Variants in TENM3 observed in about 807,000 individuals in gnomAD.
TENM3 encodes the protein teneurin-3.
A neutral mutation model predicts 255.1 loss-of-function variants in TENM3; 63 were observed. The observed-to-expected ratio is 0.25, with a 90% CI of 0.20 to 0.30. The LOEUF (loss-of-function observed/expected upper bound fraction) is 0.30, where lower values mean the gene tolerates loss of function less well. Among genes scored for constraint, TENM3 ranks in the 10% least tolerant of loss-of-function variants. The probability of loss-of-function intolerance (pLI) is 1.00; values close to 1 mark genes in which losing one functional copy is unlikely to be tolerated. For synonymous variants in TENM3, 1,306 were observed against 1,322.3 expected (o/e 0.99, Z 0.27); for missense variants, 2,929 against 3,461.1 (o/e 0.85, Z 3.86).
chr4:181,682,037 AT>A, the TENM3 span, among the ~76,000 whole-genome samples: 1 of 152,164 alleles, frequency 6.6e-6, no homozygotes, highest in Admixed American at 6.6e-5. Flanking sequence ...TTAGAAAAAA[AT>A]ATAAGAATAT....
At chr4:181,874,405 A>G in the TENM3 span, 5 of 152,124 alleles carry the variant, frequency 3.3e-5, no homozygotes, top group African/African-American at 1.2e-4. Flanking sequence ...ATATTTTTGA[A>G]TCTCTGTTAT....
At chr4:182,437,207 AT>A (rs1327487607) in intron 3 of TENM3, among the ~76,000 whole-genome samples, 1 of 152,232 alleles carries the variant, frequency 6.6e-6, no homozygotes, top group Admixed American at 6.5e-5. Context: ...AGAAGTTAAC[AT>A]TTGGAAATAG....
chr4:182,467,397 A>G (rs1395394265), intron 3 of TENM3, among the ~76,000 whole-genome samples: 1 of 152,246 alleles, frequency 6.6e-6, no homozygotes, highest in East Asian at 1.9e-4. Context: ...AACTGATACC[A>G]TAAATACCAA....
chr4:182,223,783 CAAAAAAA>C (rs61535632), intron 1 of TENM3, among the ~76,000 whole-genome samples: 3 of 112,960 alleles, frequency 2.7e-5, no homozygotes, highest in Non-Finnish European at 5.2e-5. Context: ...GATAGATTGG[CAAAAAAA>C]AAAAAAAAAA....
At chr4:181,677,103 T>A in the TENM3 span, among the ~76,000 whole-genome samples, 2 of 151,916 alleles carry the variant, frequency 1.3e-5, no homozygotes, top group Admixed American at 1.3e-4. Flanking sequence ...AAAACTTCAT[T>A]TTAATATTGT....
At chr4:181,600,759 A>T in the TENM3 span, among the ~76,000 whole-genome samples, 2,056 of 151,266 alleles carry the variant, frequency 0.014, 24 homozygotes, top group Non-Finnish European at 0.02. Flanking sequence ...TCGACTTGTG[A>T]TGGTACCTGG....
chr4:181,732,436 T>C, the TENM3 span, among the ~76,000 whole-genome samples: 30 of 152,320 alleles, frequency 2.0e-4, no homozygotes, highest in East Asian at 5.6e-3. Flanking sequence ...CCATCATTTT[T>C]TAAAAATTCC....
chr4:182,276,356 T>C (rs1223834688), intron 1 of TENM3, among the ~76,000 whole-genome samples: 1 of 152,242 alleles, frequency 6.6e-6, no homozygotes, highest in East Asian at 1.9e-4. Context: ...CATGACATCA[T>C]GTTTTAGTGT....
At chr4:182,112,422 T>C in the TENM3 span, among the ~76,000 whole-genome samples, 1 of 152,202 alleles carries the variant, frequency 6.6e-6, no homozygotes, top group Non-Finnish European at 1.5e-5. Flanking sequence ...GAAAAAACAT[T>C]ATCACTAATA....
intron 3 of TENM3, among the ~76,000 whole-genome samples, chr4:182,364,332 A>T: frequency 6.6e-6 from 1 of 152,150 alleles, no homozygotes; most frequent in East Asian, 1.9e-4. Context: ...CTCTTTTAGG[A>T]TTTACACTTT....
the TENM3 span, among the ~76,000 whole-genome samples, chr4:181,769,495 T>A: frequency 1.3e-5 from 2 of 152,186 alleles, no homozygotes; most frequent in Non-Finnish European, 1.5e-5. Context: ...TATAAATCTG[T>A]CGAGTGGTTA....
At chr4:181,663,569 G>A in the TENM3 span, among the ~76,000 whole-genome samples, 1 of 152,126 alleles carries the variant, frequency 6.6e-6, no homozygotes, top group Non-Finnish European at 1.5e-5. Flanking sequence ...AGAGTATTAG[G>A]AAATAAATAT....
At chr4:182,094,942 A>C in the TENM3 span, among the ~76,000 whole-genome samples, 2 of 64,410 alleles carry the variant, frequency 3.1e-5, no homozygotes. Context: ...AATAGAAGGT[A>C]AAAAAAAAAA....
chr4:182,368,221 A>T (rs1766560013), intron 3 of TENM3, among the ~76,000 whole-genome samples: 1 of 152,198 alleles, frequency 6.6e-6, no homozygotes, highest in Non-Finnish European at 1.5e-5. Flanking sequence ...TTTCCATGGG[A>T]ACCTCCTGAG....
At chr4:181,892,277 C>A in the TENM3 span, among the ~76,000 whole-genome samples, 1 of 152,118 alleles carries the variant, frequency 6.6e-6, no homozygotes, top group African/African-American at 2.4e-5. Flanking sequence ...CCACTGAGTC[C>A]TAGTATATAT....
At chr4:182,381,131 C>T (rs1034931478) in intron 3 of TENM3, among the ~76,000 whole-genome samples, 6 of 152,194 alleles carry the variant, frequency 3.9e-5, no homozygotes, top group Non-Finnish European at 7.3e-5. Context: ...CCGACCAGGG[C>T]TGAGCTGAGG....
chr4:181,830,238 C>A, the TENM3 span, among the ~76,000 whole-genome samples: 1 of 152,056 alleles, frequency 6.6e-6, no homozygotes, highest in Non-Finnish European at 1.5e-5. Context: ...TTGTTGCATC[C>A]TGCTTGCTGC....
At chr4:181,530,238 G>A in the TENM3 span, among the ~76,000 whole-genome samples, 1 of 152,154 alleles carries the variant, frequency 6.6e-6, no homozygotes, top group Non-Finnish European at 1.5e-5. Context: ...TACATACAGG[G>A]TAATAAATAA....
intron 3 of TENM3, among the ~76,000 whole-genome samples, chr4:182,434,559 A>G (rs1401788361): frequency 6.6e-6 from 1 of 151,686 alleles, no homozygotes; most frequent in African/African-American, 2.4e-5. Flanking sequence ...GCTACTCGGG[A>G]GTCTGAGGCA....
Sources: gnomAD v4.1 joint callset for allele counts (sites outside exome capture counted in the v4.1 genomes callset) on GRCh38, gnomAD v4.1.1 for gene constraint, MANE v1.5 for transcripts, NCBI Gene and HGNC (gene_info 2026-07-23, HGNC 2026-07-21) for gene names.